Variants in SLC12A1 observed in about 807,000 individuals in gnomAD.
SLC12A1 encodes the protein solute carrier family 12 member 1.
In SLC12A1, 89 loss-of-function variants were observed where a neutral mutation model predicts 130.4. The ratio of observed to expected loss-of-function variants is 0.68; its 90% CI spans 0.58 to 0.81. SLC12A1 has a LOEUF of 0.81. Ranked by LOEUF, SLC12A1 falls within the 40% of genes least tolerant of loss-of-function variation. The pLI is 0.00. For missense variants in SLC12A1, 1,310 were observed against 1,336.4 expected (o/e 0.98, Z 0.31); for synonymous variants, 499 against 460.0 (o/e 1.08, Z -1.09).
At chr15:48,255,364 G>A (rs2041694724) in intron 15 of SLC12A1, among the ~76,000 whole-genome samples, 1 of 151,898 alleles carries the variant, frequency 6.6e-6, no homozygotes, top group Non-Finnish European at 1.5e-5. Flanking sequence ...CTTGAACCCG[G>A]GAGGTGGAGG....
intron 5 of SLC12A1, chr15:48,227,351 A>G: frequency 3.3e-6 from 2 of 614,160 alleles, no homozygotes; most frequent in East Asian, 2.8e-5. Flanking sequence ...GAATATCTTC[A>G]TTGACATGAC....
intron 21 of SLC12A1, among the ~76,000 whole-genome samples, chr15:48,287,226 A>C (rs2141113555): frequency 6.6e-6 from 1 of 152,302 alleles, no homozygotes; most frequent in East Asian, 1.9e-4. Context: ...CAGTTCCAAC[A>C]CTGGCCGAGT....
chr15:48,216,989 T>C (rs1437341491), intron 2 of SLC12A1, among the ~76,000 whole-genome samples: 3 of 152,268 alleles, frequency 2.0e-5, no homozygotes, highest in Admixed American at 1.3e-4. Context: ...ACTTGGAACA[T>C]GGCTAGTCCA....
chr15:48,254,669 C>T (rs1195615073), intron 15 of SLC12A1, among the ~76,000 whole-genome samples: 1 of 143,476 alleles, frequency 7.0e-6, no homozygotes, highest in Non-Finnish European at 1.5e-5. Context: ...CGCCTGTAAT[C>T]CCAGCACTTT....
At chr15:48,269,835 C>T (rs907331643) in intron 19 of SLC12A1, 71 bp downstream of exon 19, 3 of 767,050 alleles carry the variant, frequency 3.9e-6, no homozygotes, top group Non-Finnish European at 6.8e-6. Context: ...ACTTGTACTG[C>T]ACATAACACT....
At chr15:48,277,568 A>G (rs969295797) in intron 20 of SLC12A1, among the ~76,000 whole-genome samples, 8 of 152,258 alleles carry the variant, frequency 5.3e-5, no homozygotes, top group African/African-American at 1.9e-4. Context: ...GAAAAAGATC[A>G]GCAAGAACTG....
intron 14 of SLC12A1, among the ~76,000 whole-genome samples, chr15:48,249,965 C>G (rs1028999653): frequency 6.6e-6 from 1 of 152,196 alleles, no homozygotes; most frequent in African/African-American, 2.4e-5. Flanking sequence ...AAAAACACCA[C>G]TATTTATTTC....
intron 23 of SLC12A1, among the ~76,000 whole-genome samples, chr15:48,290,250 C>A (rs2042105418): frequency 6.6e-6 from 1 of 152,120 alleles, no homozygotes; most frequent in East Asian, 1.9e-4. Flanking sequence ...CATCCTGTAT[C>A]CCACTGGAAG....
In SLC12A1 at chr15:48,303,044, G is replaced by A. The variant is rs755297773; in HGVS notation, c.*159G>A. 9.4e-6 allele frequency: 5 copies of A among 532,230 alleles called. No homozygotes were observed. Among genetic ancestry groups the A allele is most frequent in the Middle Eastern group, 5.2e-4 (1 of 1,924 alleles). The allele number at this position is 532,230 out of a possible 1,614,324, so 33.0% of individuals were successfully genotyped here. A position where few individuals can be genotyped will look rare whatever the true frequency, so the allele number is the denominator to read the frequency against. On this transcript the variant is annotated 3_prime_UTR_variant, in exon 27 of 27. Transcript: ENST00000380993. ...TTGCATAATTTTTATCAGTTAATGCGAGCTTTTTTTTCTCTTCTCAGCTTA... is the reference window on the plus strand; with the variant it reads ...TTGCATAATTTTTATCAGTTAATGCAAGCTTTTTTTTCTCTTCTCAGCTTA...
Position 48,234,931 on chromosome 15 carries a change from T to A in SLC12A1, c.1142T>A (p.Phe381Tyr), listed in dbSNP as rs1473389055. Residue 381 changes from phenylalanine to tyrosine, a missense_variant, in exon 9 of 27, where the codon TTC becomes TAC. Transcript: ENST00000380993. ...CGCTTCACAAAGGGTGAAGGCTTCT[T>A]CTCTGTCTTTGCCATTTTTTTCCCA... ...GPRFTKGEGFFSVFAIFFPAA... is the reference protein window; with the variant it reads ...GPRFTKGEGFYSVFAIFFPAA... 1 of 1,613,716 alleles carries A rather than the reference T, an allele frequency of 6.2e-7. No homozygotes were observed. Among genetic ancestry groups the A allele is most frequent in the Non-Finnish European group, 8.5e-7 (1 of 1,179,736 alleles).
chr15:48,232,778 A>G lies in SLC12A1; in HGVS notation c.1027A>G (p.Ile343Val). 1.9e-6 allele frequency: 3 copies of G among 1,613,646 alleles called. No individual in the cohort carries two copies. The highest frequency in any genetic ancestry group is 2.5e-6 in the Non-Finnish European group (3 of 1,179,558). ...ILLIAIANFF[I>V]GTVIPSNNEK... ...TCTAATTGCTATTGCAAACTTCTTCATTGGAACTGTCATTCCATCCAACAA... is the reference window on the plus strand; with the variant it reads ...TCTAATTGCTATTGCAAACTTCTTCGTTGGAACTGTCATTCCATCCAACAA... Residue 343 changes from isoleucine to valine, a missense_variant, in exon 8 of 27, where the codon ATT becomes GTT. Physicochemically the swap from Ile to Val is conservative, Grantham distance 29 (BLOSUM62 3). Transcript: ENST00000380993.
chr15:48,284,120 C>A lies in SLC12A1; in HGVS notation c.2486-986C>A, dbSNP rs1365792380. Among the ~76,000 whole-genome samples, 3 of 152,338 alleles carry A rather than the reference C, an allele frequency of 2.0e-5. No homozygotes were observed. The East Asian group carries it at 5.8e-4, about 29-fold the overall frequency. On this transcript the variant is annotated intron_variant, in intron 20 of 26. Coordinates refer to ENST00000380993, the MANE Select transcript of SLC12A1 (RefSeq NM_000338.3). ...GCTTGACTCCTGTTCCAGACTAAAA[C>A]ATGTCACAAGACCCCTTTTAGCAAT... is the stretch of plus-strand genomic sequence containing the variant.
intron 23 of SLC12A1, among the ~76,000 whole-genome samples, chr15:48,288,976 C>A (rs944225822): frequency 1.3e-5 from 2 of 152,046 alleles, no homozygotes; most frequent in African/African-American, 4.8e-5. Flanking sequence ...GGGTTCTAGC[C>A]CCAGCTCTGC....
intron 9 of SLC12A1, among the ~76,000 whole-genome samples, chr15:48,240,088 TATCC>T (rs1347503488): frequency 2.2e-4 from 22 of 101,478 alleles, no homozygotes; most frequent in East Asian, 1.1e-3. Context: ...TATATATATA[TATCC>T]ATATATATAT....
At chr15:48,248,238 C>T (rs1470317448) in intron 13 of SLC12A1, among the ~76,000 whole-genome samples, 1 of 152,160 alleles carries the variant, frequency 6.6e-6, no homozygotes, top group Non-Finnish European at 1.5e-5. Context: ...ATATTGAACT[C>T]AGGAAGGGAC....
At chr15:48,219,532 G>T (rs1243678379) in intron 2 of SLC12A1, among the ~76,000 whole-genome samples, 2 of 150,930 alleles carry the variant, frequency 1.3e-5, no homozygotes, top group Non-Finnish European at 2.9e-5. Flanking sequence ...TTCCAGCCTG[G>T]GTGACAGAGC....
chr15:48,297,155 A>C (rs1019862942), intron 24 of SLC12A1, among the ~76,000 whole-genome samples: 26 of 152,242 alleles, frequency 1.7e-4, no homozygotes, highest in African/African-American at 6.3e-4. Flanking sequence ...ATCATCTATC[A>C]AAGTTGATTT....
chr15:48,247,042 T>G (rs760460895), intron 12 of SLC12A1, 26 bp downstream of exon 12: 1 of 1,503,646 alleles, frequency 6.7e-7, no homozygotes, highest in Non-Finnish European at 9.3e-7. Context: ...CAGCTTGTGC[T>G]TCTCCCTATT....
At chr15:48,230,359 G>C (rs759229196) in intron 6 of SLC12A1, 34 bp from the exon 7 acceptor site, 65 of 1,343,014 alleles carry the variant, frequency 4.8e-5, no homozygotes, top group Admixed American at 9.0e-5. Flanking sequence ...GCAAAAAGCT[G>C]TATCTCTAAG....
Sources: allele counts gnomAD v4.1 joint callset (sites outside exome capture counted in the v4.1 genomes callset), GRCh38; gene constraint gnomAD v4.1.1; transcripts MANE v1.5; gene names NCBI Gene and HGNC (gene_info 2026-07-23, HGNC 2026-07-21).